Variants in AKT2 observed in about 807,000 individuals in gnomAD.
The protein encoded by AKT2 is AKT serine/threonine kinase 2, also known as RAC-beta serine/threonine-protein kinase.
AKT2 carries 16 observed loss-of-function variants against 58.6 expected under a neutral mutation model. The ratio of observed to expected loss-of-function variants is 0.27; its 90% CI spans 0.18 to 0.41. AKT2 has a LOEUF of 0.41. AKT2 is among the 10% of genes least tolerant of loss of function. The pLI is 1.00. For synonymous variants in AKT2, 253 were observed against 254.0 expected (o/e 1.00, Z 0.04); for missense variants, 438 against 661.0 (o/e 0.66, Z 3.70).
rs1181105015 is a variant in AKT2, at chr19:40,231,609, A to ACAGCAGGGCT, written c.*2253_*2262dup. Reference sequence around the variant, plus strand: ...AATTCATCTGTGCCAGGCCCTCTGCACAGCAGGGCTCAGCAGGGCAGGCCA... The same window carrying ACAGCAGGGCT: ...AATTCATCTGTGCCAGGCCCTCTGCACAGCAGGGCTCAGCAGGGCTCAGCAGGGCAGGCCA... On this transcript the variant is annotated 3_prime_UTR_variant, in exon 14 of 14. Coordinates refer to ENST00000392038, the MANE Select transcript of AKT2 (RefSeq NM_001626.6). The ACAGCAGGGCT allele has an allele frequency of 8.6e-6, 2 of 233,204 alleles. No individual in the cohort carries two copies. Among genetic ancestry groups the ACAGCAGGGCT allele is most frequent in the Non-Finnish European group, 1.7e-5 (2 of 118,064 alleles). 14.4% of individuals were successfully genotyped at this position (233,204 alleles called of 1,614,324 possible). A position where few individuals can be genotyped will look rare whatever the true frequency, so the allele number is the denominator to read the frequency against.
chr19:40,235,856 C>CGCTGG lies in AKT2; in HGVS notation c.1175+29_1175+33dup. 1 of 1,582,318 alleles carries CGCTGG rather than the reference C, an allele frequency of 6.3e-7. No individual in the cohort carries two copies. The highest frequency in any genetic ancestry group is 8.6e-7 in the Non-Finnish European group (1 of 1,167,056). On this transcript the variant is annotated intron_variant, in intron 11 of 13. Transcript: ENST00000392038. The surrounding 1 kb of genome is among the most constrained non-coding windows in gnomAD (Gnocchi z 6.3). ...CCGCAGGGACAGTGGCAGCAGCTGG[C>CGCTGG]GCTGGGCTGGGTGGGGCCGACGCCA... is the stretch of plus-strand genomic sequence containing the variant.
chr19:40,230,520 C>T lies in AKT2; in HGVS notation c.*3352G>A, dbSNP rs1332641187. The T allele has an allele frequency of 2.2e-5, 5 of 226,854 alleles. No individual in the cohort carries two copies. Among genetic ancestry groups the T allele is most frequent in the African/African-American group, 4.5e-5 (2 of 44,918 alleles). 14.1% of individuals were successfully genotyped at this position (226,854 alleles called of 1,614,324 possible). ...CCGACTCCACACAACCATCAGTGCA[C>T]GAGGGCAGCCCCCAGAGGCTTCACA... is the stretch of plus-strand genomic sequence containing the variant. On this transcript the variant is annotated 3_prime_UTR_variant, in exon 14 of 14. Coordinates refer to ENST00000392038, the MANE Select transcript of AKT2 (RefSeq NM_001626.6).
In AKT2 at chr19:40,261,081, C is replaced by T. The variant is rs574187408; in HGVS notation, c.47-4027G>A. Among the ~76,000 whole-genome samples the T allele has an allele frequency of 1.3e-4, 20 of 152,362 alleles. No homozygotes were observed. The East Asian group carries it at 3.7e-3, about 28-fold the overall frequency. On this transcript the variant is annotated intron_variant, in intron 2 of 13. Coordinates refer to ENST00000392038, the MANE Select transcript of AKT2 (RefSeq NM_001626.6). ...AGAAAGTAAACTGGTGGTTAGCAGA[C>T]ACCAGGAGACAGGGGGTGCTATGAA... is the stretch of plus-strand genomic sequence containing the variant.
intron 1 of AKT2, chr19:40,275,202 A>G (rs1469530119): frequency 1.3e-5 from 6 of 456,684 alleles, no homozygotes; most frequent in Middle Eastern, 3.2e-4. Flanking sequence ...CCCAAGAGAC[A>G]GGGCCACCTC....
Position 40,255,286 on chromosome 19 carries a change from C to T in AKT2, c.176-17G>A, listed in dbSNP as rs749016613. Reference sequence around the variant, plus strand: ...GCTGGCATTCTGCAGGCAGAGGGAACAGACAGCAGGGGGCTGAGGGGATAG... The same window carrying T: ...GCTGGCATTCTGCAGGCAGAGGGAATAGACAGCAGGGGGCTGAGGGGATAG... On this transcript the variant is annotated splice_polypyrimidine_tract_variant and intron_variant, in intron 3 of 13. Transcript: ENST00000392038. The T allele has an allele frequency of 1.2e-6, 2 of 1,607,154 alleles. No individual in the cohort carries two copies. The highest frequency in any genetic ancestry group is 2.2e-5 in the South Asian group (2 of 90,952).
chr19:40,234,325 G>A lies in AKT2; in HGVS notation c.1367-374C>T, dbSNP rs1973878318. On this transcript the variant is annotated intron_variant, in intron 13 of 13. Transcript: ENST00000392038. The surrounding 1 kb of genome is among the most constrained non-coding windows in gnomAD (Gnocchi z 4.7). ...AGCCAGGGGGGCTTTCTAAAGGCCT[G>A]CTTTAACCCTGTCCCTCTCTGTATG... 1.4e-5 allele frequency: 4 copies of A among 296,144 alleles called. No individual in the cohort carries two copies. The highest frequency in any genetic ancestry group is 2.5e-5 in the Non-Finnish European group (4 of 157,634). The allele number at this position is 296,144 out of a possible 1,614,324, so 18.3% of individuals were successfully genotyped here.
chr19:40,244,222 G>T (rs1974599040), intron 4 of AKT2: 1 of 151,686 alleles, frequency 6.6e-6, no homozygotes, highest in Non-Finnish European at 1.5e-5. Flanking sequence ...ACGGGACGAT[G>T]GCTTGCATCC....
At chr19:40,261,840 T>C (rs1975983529) in intron 2 of AKT2, among the ~76,000 whole-genome samples, 1 of 151,818 alleles carries the variant, frequency 6.6e-6, no homozygotes, top group Non-Finnish European at 1.5e-5. Context: ...CATTGTGATA[T>C]ACTAAAGGCC....
chr19:40,256,806 T>C (rs1486561821), intron 3 of AKT2, 120 bp downstream of exon 3: 1 of 1,494,700 alleles, frequency 6.7e-7, no homozygotes, highest in Non-Finnish European at 9.3e-7. Context: ...TGAAAACAGA[T>C]CCAAGGGCAA....
intron 4 of AKT2, chr19:40,243,578 G>A (rs1974550004): frequency 6.6e-6 from 1 of 152,212 alleles, no homozygotes; most frequent in African/African-American, 2.4e-5. Flanking sequence ...CCAGCAGAAG[G>A]GAGCCTGGTT....
chr19:40,271,534 G>A (rs569770609), intron 1 of AKT2, among the ~76,000 whole-genome samples: 1 of 151,844 alleles, frequency 6.6e-6, no homozygotes, highest in African/African-American at 2.4e-5. Flanking sequence ...GGGGCAAGAC[G>A]TGAGGGAACC....
chr19:40,260,360 G>A lies in AKT2; in HGVS notation c.47-3306C>T, dbSNP rs947147186. Among the ~76,000 whole-genome samples, 27 of 151,912 alleles carry A rather than the reference G, an allele frequency of 1.8e-4. 1 individual carries two copies. The highest frequency in any genetic ancestry group is 6.0e-4 in the African/African-American group (25 of 41,340). On this transcript the variant is annotated intron_variant, in intron 2 of 13. Coordinates refer to ENST00000392038, the MANE Select transcript of AKT2 (RefSeq NM_001626.6). ...AATATATCACCCCGAGGCCGGGCTT[G>A]GTGGCTCACGCCTGTAATCCCAGCA... is the stretch of plus-strand genomic sequence containing the variant.
chr19:40,256,253 G>C (rs1191869719), intron 3 of AKT2, among the ~76,000 whole-genome samples: 1 of 152,134 alleles, frequency 6.6e-6, no homozygotes, highest in African/African-American at 2.4e-5. Context: ...ACGGGGACTG[G>C]GTTCCACAGC....
rs187387277 is a variant in AKT2, at chr19:40,262,165, G to C, written c.46+3057C>G. 5.3e-5 allele frequency among the ~76,000 whole-genome samples: 8 copies of C among 151,858 alleles called. No individual in the cohort carries two copies. The East Asian group carries it at 1.5e-3, about 29-fold the overall frequency. ...CTCACAACTGTAATCCCAGCACTTT[G>C]GGAGGCCAAGACAGGAGACTCACTT... is the stretch of plus-strand genomic sequence containing the variant. On this transcript the variant is annotated intron_variant, in intron 2 of 13. Coordinates refer to ENST00000392038, the MANE Select transcript of AKT2 (RefSeq NM_001626.6).
chr19:40,242,211 C>G lies in AKT2; in HGVS notation c.442-142G>C. 7.9e-7 allele frequency: 1 copy of G among 1,257,882 alleles called. No homozygotes were observed. Among genetic ancestry groups the G allele is most frequent in the South Asian group, 1.3e-5 (1 of 79,610 alleles). The allele number at this position is 1,257,882 out of a possible 1,614,324, so 77.9% of individuals were successfully genotyped here. The stretch of plus-strand genomic sequence containing the variant: ...GAGCAGGAAGGGAGGCTCTGGGCAG[C>G]AACTGTGTGTTCTGAAGCGGCCTTC... On this transcript the variant is annotated intron_variant, in intron 5 of 13. Transcript: ENST00000392038. The surrounding 1 kb of genome is among the most constrained non-coding windows in gnomAD (Gnocchi z 4.3).
intron 2 of AKT2, among the ~76,000 whole-genome samples, chr19:40,262,366 T>A (rs1045550265): frequency 6.6e-6 from 1 of 152,118 alleles, no homozygotes; most frequent in African/African-American, 2.4e-5. Flanking sequence ...CCTTCCCAGC[T>A]GTTACCTGGG....
intron 6 of AKT2, among the ~76,000 whole-genome samples, chr19:40,240,533 C>T (rs1020023820): frequency 6.6e-6 from 1 of 152,244 alleles, no homozygotes; most frequent in Admixed American, 6.5e-5. Flanking sequence ...CGCCTGGGAA[C>T]TGGCAGCAAT....
In AKT2 at chr19:40,234,632, G is replaced by T; in HGVS notation, c.1366+413C>A. ...CCAGTCCCTGGCCTCCCACGCCCTA[G>T]CCCTGACCACTCCAGGCCGCCCACC... On this transcript the variant is annotated intron_variant, in intron 13 of 13. Transcript: ENST00000392038. The surrounding 1 kb of genome is among the most constrained non-coding windows in gnomAD (Gnocchi z 4.7). 1.9e-6 allele frequency: 1 copy of T among 538,744 alleles called. No homozygotes were observed. The highest frequency in any genetic ancestry group is 3.3e-6 in the Non-Finnish European group (1 of 305,978). 33.4% of individuals were successfully genotyped at this position (538,744 alleles called of 1,614,324 possible).
Position 40,275,764 on chromosome 19 carries a change from T to TGGGGGGGGGGGGGGGGGG in AKT2, c.-85+9416_-85+9417insCCCCCCCCCCCCCCCCCC, listed in dbSNP as rs1004974778. On this transcript the variant is annotated intron_variant, in intron 1 of 13. Coordinates refer to ENST00000392038, the MANE Select transcript of AKT2 (RefSeq NM_001626.6). ...CTGTAATCCCAGCACTTTGGGAGGC[T>TGGGGGGGGGGGGGGGGGG]GGGGGGGGGGGGGGTGGGCGGGGGG... 6.3e-4 allele frequency among the ~76,000 whole-genome samples: 3 copies of TGGGGGGGGGGGGGGGGGG among 4,738 alleles called. 1 individual carries two copies. The highest frequency in any genetic ancestry group is 9.7e-4 in the Non-Finnish European group (2 of 2,072). The allele number at this position is 4,738 out of a possible 152,430, so 3.1% of individuals were successfully genotyped here.
Sources: gnomAD v4.1 joint callset for allele counts (sites outside exome capture counted in the v4.1 genomes callset) on GRCh38, gnomAD v4.1.1 for gene constraint, Gnocchi (gnomAD v3.1) non-coding constraint, MANE v1.5 for transcripts, NCBI Gene and HGNC (gene_info 2026-07-23, HGNC 2026-07-21) for gene names.